The following LUC7L variants were observed in gnomAD, a reference collection of about 807,000 sequenced individuals.
LUC7L encodes LUC7 like.
LUC7L carries 29 observed loss-of-function variants against 51.1 expected under a neutral mutation model. That is an observed-to-expected ratio of 0.57 (90% CI 0.42 to 0.77). LUC7L has a LOEUF of 0.77. LUC7L is among the 30% of genes least tolerant of loss of function. The pLI is 0.00. For missense variants in LUC7L, 403 were observed against 511.9 expected, an observed-to-expected ratio of 0.79 and a Z score of 2.05; for synonymous variants, 181 against 180.7, an observed-to-expected ratio of 1.00 and a Z score of -0.01.
At chr16:216,366 G>GT (rs1399865830) in intron 3 of LUC7L, among the ~76,000 whole-genome samples, 3 of 148,102 alleles carry the variant, frequency 2.0e-5, no homozygotes, top group African/African-American at 7.5e-5. Flanking sequence ...ATAAACACTG[G>GT]TTATCAAATA....
At chr16:227,064 A>G (rs2050150235) in intron 2 of LUC7L, among the ~76,000 whole-genome samples, 178 bp downstream of exon 2, 1 of 152,222 alleles carries the variant, frequency 6.6e-6, no homozygotes, top group South Asian at 2.1e-4. Flanking sequence ...ACACAGAGTG[A>G]CACTCCATCG....
rs538260317 is a variant in LUC7L, at chr16:190,779, C to G, written c.777-209G>C. On this transcript the variant is annotated intron_variant, in intron 7 of 9. Transcript: ENST00000293872. ...CCTGTAATCCCAGCTACTCAGGAGA[C>G]TGAGGCAGGAAAATCACTTTAACCT... is the stretch of plus-strand genomic sequence containing the variant. 1.1e-5 allele frequency: 6 copies of G among 557,296 alleles called. No individual in the cohort carries two copies. In the East Asian group the frequency reaches 1.8e-4, roughly 16 times the overall value. The allele number at this position is 557,296 out of a possible 1,614,324, so 34.5% of individuals were successfully genotyped here.
chr16:193,806 C>CT (rs35000773), intron 6 of LUC7L, among the ~76,000 whole-genome samples: 60,787 of 139,640 alleles, frequency 0.44, 13,907 homozygotes, highest in Non-Finnish European at 0.52. Context: ...TTTACATTTA[C>CT]TTTTTTTTTT....
At chr16:200,957 G>T (rs1024116237) in intron 5 of LUC7L, among the ~76,000 whole-genome samples, 4 of 151,922 alleles carry the variant, frequency 2.6e-5, no homozygotes, top group Admixed American at 2.6e-4. Flanking sequence ...GGCCAAGGCA[G>T]GTGGATCACA....
At chr16:195,616 G>T (rs1220218091) in intron 6 of LUC7L, among the ~76,000 whole-genome samples, 1 of 152,124 alleles carries the variant, frequency 6.6e-6, no homozygotes, top group Non-Finnish European at 1.5e-5. Flanking sequence ...TAGAGACAGG[G>T]TCTCCTTATG....
At chr16:228,763 C>T in intron 1 of LUC7L, 1 of 1,276,152 alleles carries the variant, frequency 7.8e-7, no homozygotes, top group Non-Finnish European at 1.0e-6. Context: ...AAGGGGGCAG[C>T]TGGAAAAGTA....
chr16:221,027 C>T (rs1232730694), intron 2 of LUC7L, among the ~76,000 whole-genome samples: 1 of 151,966 alleles, frequency 6.6e-6, no homozygotes, highest in Non-Finnish European at 1.5e-5. Flanking sequence ...CATTAATTGG[C>T]TTTTGCCAGT....
intron 7 of LUC7L, 149 bp downstream of exon 7, chr16:192,778 C>T (rs972182682): frequency 2.9e-6 from 2 of 700,942 alleles, no homozygotes; most frequent in Non-Finnish European, 4.9e-6. Context: ...GACAGGATTA[C>T]AGGCGTGAGC....
At chr16:193,429 G>T (rs530374183) in intron 6 of LUC7L, among the ~76,000 whole-genome samples, 35 of 152,146 alleles carry the variant, frequency 2.3e-4, no homozygotes, top group Admixed American at 2.0e-3. Context: ...ACAGGCATGA[G>T]CCACCGCGCC....
chr16:198,984 CAT>C, intron 6 of LUC7L, 76 bp downstream of exon 6: 1 of 1,435,530 alleles, frequency 7.0e-7, no homozygotes, highest in Non-Finnish European at 9.3e-7. Context: ...CCGGCCAAAA[CAT>C]AAGGTTTTTA....
chr16:195,184 G>A (rs760842144), intron 6 of LUC7L, among the ~76,000 whole-genome samples: 17 of 152,020 alleles, frequency 1.1e-4, no homozygotes, highest in Non-Finnish European at 2.5e-4. Flanking sequence ...AGCACTCTGG[G>A]AGGCTGAACT....
At position 212,333 on chromosome 16, in the gene LUC7L, G is replaced by C. The variant is rs554665075; in HGVS notation, c.256-4145C>G. Among the ~76,000 whole-genome samples, 10 of 152,248 alleles carry C rather than the reference G, an allele frequency of 6.6e-5. No individual in the cohort carries two copies. In the South Asian group the frequency reaches 1.2e-3, roughly 19 times the overall value. On this transcript the variant is annotated intron_variant, in intron 3 of 9. Transcript: ENST00000293872. Reference sequence around the variant, plus strand: ...CAGAGGAGCTCGTCGGGTCTCCATTGCATGGATGATGAAAGTGAAGCACAG... The same window carrying C: ...CAGAGGAGCTCGTCGGGTCTCCATTCCATGGATGATGAAAGTGAAGCACAG...
chr16:225,660 A>G (rs1349365227), intron 2 of LUC7L, among the ~76,000 whole-genome samples: 1 of 150,918 alleles, frequency 6.6e-6, no homozygotes. Context: ...CTAATTTTGT[A>G]TTTTAATAGA....
intron 3 of LUC7L, among the ~76,000 whole-genome samples, chr16:217,513 C>T (rs902824753): frequency 6.6e-6 from 1 of 151,446 alleles, no homozygotes; most frequent in Non-Finnish European, 1.5e-5. Flanking sequence ...TTAAGACCAG[C>T]CTGGCCAACA....
intron 5 of LUC7L, among the ~76,000 whole-genome samples, chr16:202,040 G>A (rs1424471479): frequency 1.3e-5 from 2 of 151,682 alleles, no homozygotes; most frequent in Admixed American, 6.6e-5. Flanking sequence ...AACCGTGCCC[G>A]GCCATATTTT....
At position 189,048 on chromosome 16, in the gene LUC7L, C is replaced by G. The variant is rs997935527; in HGVS notation, c.*150G>C. On this transcript the variant is annotated 3_prime_UTR_variant, in exon 10 of 10. Coordinates refer to ENST00000293872, the MANE Select transcript of LUC7L (RefSeq NM_201412.3). ...TCAACATGACCCGGGAACACAGGAG[C>G]AACTCTGTACACTTCTAGAAACTCA... 2.4e-5 allele frequency: 20 copies of G among 845,058 alleles called. No individual in the cohort carries two copies. Among genetic ancestry groups the G allele is most frequent in the Non-Finnish European group, 3.7e-5 (20 of 545,754 alleles). The allele number at this position is 845,058 out of a possible 1,614,324, so 52.3% of individuals were successfully genotyped here. A position where few individuals can be genotyped will look rare whatever the true frequency, so the allele number is the denominator to read the frequency against.
intron 6 of LUC7L, among the ~76,000 whole-genome samples, chr16:196,906 CT>C (rs34164641): frequency 0.12 from 14,289 of 122,532 alleles, 416 homozygotes; most frequent in African/African-American, 0.2. Context: ...ACTTTTACAT[CT>C]TTTTTTTTTT....
chr16:191,855 CA>C (rs1217783017), intron 7 of LUC7L, among the ~76,000 whole-genome samples: 7 of 152,150 alleles, frequency 4.6e-5, no homozygotes, highest in Admixed American at 2.6e-4. Flanking sequence ...AAAACAAACA[CA>C]ATAAACATTC....
intron 5 of LUC7L, among the ~76,000 whole-genome samples, chr16:200,752 C>T (rs1028304809): frequency 2.0e-5 from 3 of 152,024 alleles, no homozygotes; most frequent in African/African-American, 4.8e-5. Context: ...TGTGGTGGCA[C>T]GTGCCTATAG....
Sources: gnomAD v4.1 joint callset for allele counts (sites outside exome capture counted in the v4.1 genomes callset) on GRCh38, gnomAD v4.1.1 for gene constraint, MANE v1.5 for transcripts, NCBI Gene and HGNC (gene_info 2026-07-23, HGNC 2026-07-21) for gene names.